The following HTRA1 variants were observed in gnomAD, a reference collection of about 807,000 sequenced individuals.
HTRA1 encodes the protein serine protease HTRA1.
Under a neutral mutation model 49.7 loss-of-function variants are expected in HTRA1, and 26 were observed. The observed-to-expected ratio is 0.52, with a 90% CI of 0.38 to 0.73. HTRA1 has a LOEUF of 0.73. HTRA1 is among the 30% of genes least tolerant of loss of function. The pLI is 0.00. For synonymous variants in HTRA1, 291 were observed against 286.9 expected, an observed-to-expected ratio of 1.01 and a Z score of -0.14; for missense variants, 561 against 667.2, an observed-to-expected ratio of 0.84 and a Z score of 1.75.
chr10:122,466,044 A>G (rs1258702642), intron 1 of HTRA1, among the ~76,000 whole-genome samples: 1 of 152,180 alleles, frequency 6.6e-6, no homozygotes, highest in Non-Finnish European at 1.5e-5. Context: ...GGAGGTTTTT[A>G]GGATCGCCTG....
At chr10:122,477,731 C>T (rs751621048) in intron 1 of HTRA1, among the ~76,000 whole-genome samples, 1 of 152,182 alleles carries the variant, frequency 6.6e-6, no homozygotes, top group Non-Finnish European at 1.5e-5. Flanking sequence ...TGTGGGGGCC[C>T]AGCAGGCTGT....
chr10:122,466,520 A>G (rs2097483853), intron 1 of HTRA1, among the ~76,000 whole-genome samples: 1 of 152,114 alleles, frequency 6.6e-6, no homozygotes, highest in South Asian at 2.1e-4. Flanking sequence ...ACAAGCAATC[A>G]TTGCTAGCTG....
chr10:122,495,623 G>A (rs2097498257), intron 3 of HTRA1, among the ~76,000 whole-genome samples: 1 of 152,138 alleles, frequency 6.6e-6, no homozygotes, highest in African/African-American at 2.4e-5. Context: ...TGATTGTCAA[G>A]GAAATTCTTT....
chr10:122,472,423 G>T (rs1445498853), intron 1 of HTRA1, among the ~76,000 whole-genome samples: 1 of 148,090 alleles, frequency 6.8e-6, no homozygotes. Flanking sequence ...TTGAGACAGG[G>T]TCTTGCTCCA....
At chr10:122,497,020 T>C (rs1335548600) in intron 3 of HTRA1, among the ~76,000 whole-genome samples, 1 of 152,226 alleles carries the variant, frequency 6.6e-6, no homozygotes, top group African/African-American at 2.4e-5. Context: ...CTCTCAATCA[T>C]AGCAGCATTG....
In HTRA1 at chr10:122,499,352, T is replaced by C. The variant is rs186571531; in HGVS notation, c.778-7339T>C. Among the ~76,000 whole-genome samples, 724 of 152,318 alleles carry C rather than the reference T, an allele frequency of 4.8e-3. 7 individuals are homozygous for C. The highest frequency in any genetic ancestry group is 4.5e-3 in the Non-Finnish European group (305 of 68,030). On this transcript the variant is annotated intron_variant, in intron 3 of 8. Transcript: ENST00000368984. ...AACTAGCAAATCAAAAACATTGTGA[T>C]AGGTCGAGAGAGACAGCATGTGGAA...
chr10:122,467,575 G>T (rs1701349218), intron 1 of HTRA1, among the ~76,000 whole-genome samples: 1 of 152,128 alleles, frequency 6.6e-6, no homozygotes, highest in Admixed American at 6.5e-5. Flanking sequence ...TCTTGAGCCT[G>T]GTTGCTTTGT....
chr10:122,506,547 G>A lies in HTRA1; in HGVS notation c.778-144G>A. On this transcript the variant is annotated intron_variant, in intron 3 of 8. Transcript: ENST00000368984. This position sits in a 1 kb window ranked among gnomAD's most constrained non-coding sequence, Gnocchi z 5.2. The stretch of plus-strand genomic sequence containing the variant: ...CCAGTCCTGCCCGCAGCAAAGGGAT[G>A]TTAGTTGTGAGCTCAGTTCCCCACC... 5.5e-6 allele frequency: 4 copies of A among 727,708 alleles called. No homozygotes were observed. Among genetic ancestry groups the A allele is most frequent in the Non-Finnish European group, 7.3e-6 (3 of 411,838 alleles). The allele number at this position is 727,708 out of a possible 1,614,324, so 45.1% of individuals were successfully genotyped here.
In HTRA1 at chr10:122,506,580, G is replaced by A. The variant is rs1004737207; in HGVS notation, c.778-111G>A. 3.2e-6 allele frequency: 3 copies of A among 926,104 alleles called. No homozygotes were observed. The highest frequency in any genetic ancestry group is 3.2e-5 in the African/African-American group (2 of 61,854). 57.4% of individuals were successfully genotyped at this position (926,104 alleles called of 1,614,324 possible). On this transcript the variant is annotated intron_variant, in intron 3 of 8. Transcript: ENST00000368984. This position sits in a 1 kb window ranked among gnomAD's most constrained non-coding sequence, Gnocchi z 5.2. ...TGAGCTCAGTTCCCCACCGGGCCTG[G>A]TGTTTCCAAATAGCCCGTCACTGTC... is the stretch of plus-strand genomic sequence containing the variant.
chr10:122,482,678 G>A (rs1228705465), intron 1 of HTRA1, among the ~76,000 whole-genome samples: 10 of 152,030 alleles, frequency 6.6e-5, no homozygotes, highest in Non-Finnish European at 7.4e-5. Flanking sequence ...CCAGCACTTT[G>A]GGTGGCTGAG....
Position 122,466,739 on chromosome 10 carries a change from G to A in HTRA1, c.472+4615G>A, listed in dbSNP as rs370452650. ...ACACCTTTTGTCAGTTAAAAAACAA[G>A]TGTGCCAGGGACCTGAGCTTCATCT... On this transcript the variant is annotated intron_variant, in intron 1 of 8. Coordinates refer to ENST00000368984, the MANE Select transcript of HTRA1 (RefSeq NM_002775.5). Among the ~76,000 whole-genome samples, 4 of 152,154 alleles carry A rather than the reference G, an allele frequency of 2.6e-5. No homozygotes were observed. The East Asian group carries it at 7.7e-4, about 29-fold the overall frequency.
chr10:122,473,837 G>A (rs981634399), intron 1 of HTRA1, among the ~76,000 whole-genome samples: 4 of 152,178 alleles, frequency 2.6e-5, no homozygotes, highest in Admixed American at 6.5e-5. Flanking sequence ...CAAAGAATAC[G>A]TAACGGGCTT....
At chr10:122,491,243 A>T (rs1473197113) in intron 3 of HTRA1, among the ~76,000 whole-genome samples, 1 of 152,236 alleles carries the variant, frequency 6.6e-6, no homozygotes, top group African/African-American at 2.4e-5. Flanking sequence ...CAAACACCTC[A>T]TGACCCTGCC....
intron 1 of HTRA1, among the ~76,000 whole-genome samples, chr10:122,484,942 C>A (rs2097492486): frequency 6.6e-6 from 1 of 152,218 alleles, no homozygotes; most frequent in African/African-American, 2.4e-5. Context: ...GGGAATTCTC[C>A]ATCGGGATTG....
At position 122,510,056 on chromosome 10, in the gene HTRA1, A is replaced by G. The variant is rs1486048955; in HGVS notation, c.1121-40A>G. The G allele has an allele frequency of 1.9e-6, 3 of 1,589,520 alleles. No homozygotes were observed. In the South Asian group the frequency reaches 3.3e-5, roughly 18 times the overall value. On this transcript the variant is annotated intron_variant, in intron 6 of 8. Coordinates refer to ENST00000368984, the MANE Select transcript of HTRA1 (RefSeq NM_002775.5). Reference sequence around the variant, plus strand: ...CCTGGTGTCCCCAGCACCCCCACCAACTGGGCTGACCTTCTGCTGTCCCTT... The same window carrying G: ...CCTGGTGTCCCCAGCACCCCCACCAGCTGGGCTGACCTTCTGCTGTCCCTT...
At chr10:122,474,115 A>G (rs1332073993) in intron 1 of HTRA1, among the ~76,000 whole-genome samples, 54 of 152,148 alleles carry the variant, frequency 3.5e-4, no homozygotes, top group Non-Finnish European at 1.2e-4. Context: ...TTCTATATGG[A>G]TGGGGATTAC....
chr10:122,492,070 A>G (rs1314453059), intron 3 of HTRA1, among the ~76,000 whole-genome samples: 1 of 152,192 alleles, frequency 6.6e-6, no homozygotes, highest in Admixed American at 6.5e-5. Context: ...GAAAGAGATC[A>G]GGAAAACCGA....
At chr10:122,497,227 C>G (rs2097499097) in intron 3 of HTRA1, among the ~76,000 whole-genome samples, 1 of 152,176 alleles carries the variant, frequency 6.6e-6, no homozygotes, top group Admixed American at 6.5e-5. Flanking sequence ...CTTTATCTAC[C>G]AGGCAGCTCA....
intron 1 of HTRA1, among the ~76,000 whole-genome samples, chr10:122,480,324 A>C (rs1262915905): frequency 1.3e-5 from 2 of 148,330 alleles, no homozygotes; most frequent in Non-Finnish European, 3.0e-5. Flanking sequence ...TGTGAACCCC[A>C]GTTGCCACAT....
Sources: allele counts gnomAD v4.1 joint callset (sites outside exome capture counted in the v4.1 genomes callset), GRCh38; gene constraint gnomAD v4.1.1; non-coding constraint Gnocchi (gnomAD v3.1); transcripts MANE v1.5; gene names NCBI Gene and HGNC (gene_info 2026-07-23, HGNC 2026-07-21).